Variants in TYR observed in about 807,000 individuals in gnomAD.
TYR encodes the protein tyrosinase, also known as LB24-AB.
Under a neutral mutation model 51.5 loss-of-function variants are expected in TYR, and 58 were observed. That is an observed-to-expected ratio of 1.13 (90% CI 0.91 to 1.40). The LOEUF (loss-of-function observed/expected upper bound fraction) is 1.40, where lower values mean the gene tolerates loss of function less well. TYR is among the 40% of genes most tolerant of loss of function. The probability of loss-of-function intolerance (pLI) is 0.00; values close to 1 mark genes in which losing one functional copy is unlikely to be tolerated. For missense variants in TYR, 732 were observed against 647.4 expected (o/e 1.13, Z -1.42); for synonymous variants, 263 against 235.2 (o/e 1.12, Z -1.08).
At chr11:89,240,741 A>C (rs1944181685) in intron 3 of TYR, among the ~76,000 whole-genome samples, 1 of 152,170 alleles carries the variant, frequency 6.6e-6, no homozygotes, top group African/African-American at 2.4e-5. Flanking sequence ...CTTTTTGAAG[A>C]AATGACAGTA....
At chr11:89,200,414 A>G (rs1479995965) in intron 2 of TYR, 1 of 152,152 alleles carries the variant, frequency 6.6e-6, no homozygotes, top group Non-Finnish European at 1.5e-5. Context: ...ACAATGTCTG[A>G]TGCATACATA....
At chr11:89,221,201 GTAACAAGTT>G (rs937380411) in intron 2 of TYR, among the ~76,000 whole-genome samples, 4 of 152,178 alleles carry the variant, frequency 2.6e-5, no homozygotes, top group Non-Finnish European at 5.9e-5. Flanking sequence ...ATTTGTGTTT[GTAACAAGTT>G]TACAGGTGAT....
intron 3 of TYR, among the ~76,000 whole-genome samples, chr11:89,271,061 T>C (rs1442256086): frequency 6.6e-6 from 1 of 151,838 alleles, no homozygotes; most frequent in East Asian, 1.9e-4. Context: ...GGGCAAAAGA[T>C]GTAGGAGAAT....
intron 2 of TYR, among the ~76,000 whole-genome samples, chr11:89,206,983 G>C (rs150015932): frequency 0.011 from 1,666 of 152,154 alleles, 30 homozygotes; most frequent in African/African-American, 0.038. Context: ...ATTGTGCTGA[G>C]AGGGGGAAGT....
intron 3 of TYR, among the ~76,000 whole-genome samples, chr11:89,279,501 C>T (rs1944695481): frequency 6.6e-6 from 1 of 151,696 alleles, no homozygotes. Flanking sequence ...ATTTCTGCAA[C>T]ACTGGCCATA....
At chr11:89,193,509 G>A (rs1484810493) in intron 2 of TYR, among the ~76,000 whole-genome samples, 2 of 151,984 alleles carry the variant, frequency 1.3e-5, no homozygotes, top group Non-Finnish European at 2.9e-5. Flanking sequence ...ACTTTAGTAG[G>A]CAAAGTGTGT....
At chr11:89,281,419 T>G (rs1350591881) in intron 3 of TYR, among the ~76,000 whole-genome samples, 1 of 151,686 alleles carries the variant, frequency 6.6e-6, no homozygotes, top group Non-Finnish European at 1.5e-5. Context: ...AAAAACCTGG[T>G]GGAGTTCCTG....
chr11:89,274,106 G>T (rs918220978), intron 3 of TYR, among the ~76,000 whole-genome samples: 1 of 151,924 alleles, frequency 6.6e-6, no homozygotes, highest in Non-Finnish European at 1.5e-5. Flanking sequence ...GAAAAGAAGA[G>T]TGGAGCACAT....
intron 3 of TYR, among the ~76,000 whole-genome samples, chr11:89,276,416 A>G (rs769029549): frequency 3.3e-5 from 5 of 151,830 alleles, no homozygotes; most frequent in Non-Finnish European, 7.4e-5. Context: ...AGGGAACACT[A>G]AAGTGTCAGA....
At chr11:89,196,687 A>G (rs573691746) in intron 2 of TYR, among the ~76,000 whole-genome samples, 1 of 152,290 alleles carries the variant, frequency 6.6e-6, no homozygotes, top group Admixed American at 6.5e-5. Flanking sequence ...GCAGTTTATG[A>G]CTATGGAAAC....
intron 3 of TYR, among the ~76,000 whole-genome samples, chr11:89,236,010 G>C (rs1408313134): frequency 1.3e-5 from 2 of 151,978 alleles, no homozygotes; most frequent in Non-Finnish European, 2.9e-5. Context: ...TAGATGCCTT[G>C]ATGTTTCCCA....
intron 2 of TYR, among the ~76,000 whole-genome samples, chr11:89,223,635 T>G (rs1943940555): frequency 6.6e-6 from 1 of 152,176 alleles, no homozygotes. Flanking sequence ...TATATTTGTT[T>G]ATCTTTTAAA....
intron 3 of TYR, among the ~76,000 whole-genome samples, chr11:89,256,905 C>T (rs1183398382): frequency 6.6e-6 from 1 of 151,846 alleles, no homozygotes; most frequent in Admixed American, 6.6e-5. Context: ...TATACTAGTG[C>T]TCTACAGAAC....
chr11:89,213,302 AAG>A (rs1464228833), intron 2 of TYR, among the ~76,000 whole-genome samples: 2 of 152,168 alleles, frequency 1.3e-5, no homozygotes, highest in African/African-American at 4.8e-5. Context: ...AATAGACAAA[AAG>A]AGAGCCAAAT....
At chr11:89,272,311 G>T (rs1944597873) in intron 3 of TYR, among the ~76,000 whole-genome samples, 1 of 151,828 alleles carries the variant, frequency 6.6e-6, no homozygotes, top group Admixed American at 6.6e-5. Context: ...AGGCAGGAAT[G>T]AAAGCAATAT....
At chr11:89,252,996 T>C (rs1284852020) in intron 3 of TYR, among the ~76,000 whole-genome samples, 1 of 151,754 alleles carries the variant, frequency 6.6e-6, no homozygotes, top group Non-Finnish European at 1.5e-5. Flanking sequence ...TGATCCCAAA[T>C]CCAGGTTAAT....
At chr11:89,246,791 A>T (rs1292846381) in intron 3 of TYR, among the ~76,000 whole-genome samples, 1 of 152,044 alleles carries the variant, frequency 6.6e-6, no homozygotes, top group Non-Finnish European at 1.5e-5. Context: ...AAACAGTCCA[A>T]CCAGAAGGGC....
chr11:89,285,543 T>A lies in TYR; in HGVS notation c.1366+589T>A, dbSNP rs9919546. On this transcript the variant is annotated intron_variant, in intron 4 of 4. Transcript: ENST00000263321. ...TAATATAAAACCCCAGGATTAGAAT[T>A]AGATTTGAGCTCTAAATAATCTTCC... Among the ~76,000 whole-genome samples, 391 of 151,898 alleles carry A rather than the reference T, an allele frequency of 2.6e-3. 2 individuals carry two copies. The highest frequency in any genetic ancestry group is 8.8e-3 in the African/African-American group (366 of 41,498).
intron 3 of TYR, among the ~76,000 whole-genome samples, chr11:89,246,374 A>C (rs1307411105): frequency 6.6e-6 from 1 of 152,186 alleles, no homozygotes; most frequent in Non-Finnish European, 1.5e-5. Context: ...TAAGAACCTG[A>C]GTTCATACTT....
Sources: gnomAD v4.1 joint callset for allele counts (sites outside exome capture counted in the v4.1 genomes callset) on GRCh38, gnomAD v4.1.1 for gene constraint, MANE v1.5 for transcripts, NCBI Gene and HGNC (gene_info 2026-07-23, HGNC 2026-07-21) for gene names.